The following STK33 variants were observed in gnomAD, a reference collection of about 807,000 sequenced individuals.
STK33 encodes the protein serine/threonine kinase 33.
Under a neutral mutation model 58.0 loss-of-function variants are expected in STK33, and 52 were observed. That is an observed-to-expected ratio of 0.90 (90% CI 0.72 to 1.13). The LOEUF (loss-of-function observed/expected upper bound fraction) is 1.13, where lower values mean the gene tolerates loss of function less well. STK33 is among the 50% of genes most tolerant of loss of function. The pLI, the probability that STK33 is intolerant of heterozygous loss-of-function variation, is 0.00. For missense variants in STK33, 630 were observed against 604.2 expected, an observed-to-expected ratio of 1.04 and a Z score of -0.45; for synonymous variants, 215 against 200.1, an observed-to-expected ratio of 1.07 and a Z score of -0.63.
chr11:8,517,918 C>T (rs531056716), intron 1 of STK33, among the ~76,000 whole-genome samples: 1 of 152,246 alleles, frequency 6.6e-6, no homozygotes, highest in East Asian at 1.9e-4. Context: ...AACCACTCTC[C>T]AGGATATTAT....
chr11:8,393,566 G>A (rs1217232300), intron 15 of STK33, among the ~76,000 whole-genome samples: 1 of 152,182 alleles, frequency 6.6e-6, no homozygotes, highest in Admixed American at 6.5e-5. Context: ...AAGCAGCACA[G>A]GGGCCCAGCC....
the STK33 span, among the ~76,000 whole-genome samples, chr11:8,370,187 C>G: frequency 6.3e-4 from 96 of 151,548 alleles, 2 homozygotes. Flanking sequence ...CAAACCTGGG[C>G]CTCAAAAGAT....
intron 1 of STK33, among the ~76,000 whole-genome samples, chr11:8,583,261 C>A (rs2030765360): frequency 6.6e-6 from 1 of 152,154 alleles, no homozygotes; most frequent in African/African-American, 2.4e-5. Context: ...ACTCACCTGT[C>A]CTTCATATCA....
chr11:8,433,186 G>A (rs191746771), intron 14 of STK33, among the ~76,000 whole-genome samples: 284 of 152,266 alleles, frequency 1.9e-3, no homozygotes, highest in South Asian at 1.0e-2. Context: ...TCCTTTGAGA[G>A]AGCAACACAT....
the STK33 span, among the ~76,000 whole-genome samples, chr11:8,373,386 T>C: frequency 6.6e-6 from 1 of 151,882 alleles, no homozygotes; most frequent in Admixed American, 6.6e-5. Flanking sequence ...GCTGCCCAGA[T>C]GATTTTGATA....
intron 14 of STK33, among the ~76,000 whole-genome samples, chr11:8,415,488 C>G (rs1313233566): frequency 6.6e-6 from 1 of 152,092 alleles, no homozygotes; most frequent in Non-Finnish European, 1.5e-5. Context: ...AATTCCTGAA[C>G]TGGTAATTAC....
chr11:8,378,000 G>A, the STK33 span, among the ~76,000 whole-genome samples: 1 of 152,116 alleles, frequency 6.6e-6, no homozygotes, highest in East Asian at 1.9e-4. Flanking sequence ...AACTAGAAGA[G>A]TCAATATCAT....
intron 15 of STK33, among the ~76,000 whole-genome samples, chr11:8,397,220 G>A (rs963920071): frequency 5.3e-5 from 8 of 152,248 alleles, no homozygotes; most frequent in Non-Finnish European, 2.9e-5. Context: ...CCAAGTAGGG[G>A]CAGACTGACA....
chr11:8,591,502 T>C (rs1264605022), intron 1 of STK33, among the ~76,000 whole-genome samples: 8 of 152,170 alleles, frequency 5.3e-5, no homozygotes, highest in African/African-American at 1.7e-4. Flanking sequence ...AGGGCAATTG[T>C]GGGGAAGATG....
intron 1 of STK33, among the ~76,000 whole-genome samples, chr11:8,569,726 GC>G (rs1957675597): frequency 6.6e-6 from 1 of 152,142 alleles, no homozygotes; most frequent in African/African-American, 2.4e-5. Context: ...GGAGGCCAAG[GC>G]AGGCAGATCA....
chr11:8,382,755 A>AT, the STK33 span, among the ~76,000 whole-genome samples: 5 of 152,132 alleles, frequency 3.3e-5, no homozygotes, highest in African/African-American at 1.2e-4. Flanking sequence ...CAGGCCTGTA[A>AT]TTCGGTTTGT....
intron 15 of STK33, among the ~76,000 whole-genome samples, chr11:8,401,886 C>G (rs1158403978): frequency 6.6e-6 from 1 of 152,066 alleles, no homozygotes; most frequent in Non-Finnish European, 1.5e-5. Flanking sequence ...CACTGGCCAT[C>G]AGAGAAATGC....
At chr11:8,453,224 A>T (rs1055677132) in intron 10 of STK33, among the ~76,000 whole-genome samples, 1 of 152,170 alleles carries the variant, frequency 6.6e-6, no homozygotes, top group Non-Finnish European at 1.5e-5. Context: ...TTTCATATAA[A>T]AAAGGTATTT....
chr11:8,362,928 T>TCCTC, the STK33 span, among the ~76,000 whole-genome samples: 2 of 133,194 alleles, frequency 1.5e-5, no homozygotes, highest in African/African-American at 5.6e-5. Context: ...CTCCCTCCTT[T>TCCTC]CCTTTTTTCC....
intron 1 of STK33, among the ~76,000 whole-genome samples, chr11:8,486,971 G>A (rs1184479205): frequency 1.3e-5 from 2 of 152,156 alleles, no homozygotes; most frequent in African/African-American, 4.8e-5. Flanking sequence ...AGACAGTAAA[G>A]ACAGGAGGAA....
At chr11:8,337,688 G>A in the STK33 span, among the ~76,000 whole-genome samples, 3 of 151,394 alleles carry the variant, frequency 2.0e-5, no homozygotes, top group African/African-American at 7.3e-5. Context: ...CACTTCCTGT[G>A]CCTCCCACCG....
chr11:8,497,015 TTTC>T (rs370270335), intron 1 of STK33, among the ~76,000 whole-genome samples: 94 of 152,314 alleles, frequency 6.2e-4, no homozygotes, highest in Middle Eastern at 6.8e-3. Context: ...ATTATCAATA[TTTC>T]TTATTTTTGT....
intron 1 of STK33, among the ~76,000 whole-genome samples, chr11:8,569,004 T>C (rs1020905012): frequency 6.6e-6 from 1 of 152,160 alleles, no homozygotes; most frequent in Non-Finnish European, 1.5e-5. Context: ...GACATTCAAA[T>C]AGAATAAAGC....
At chr11:8,480,369 T>C (rs1425550763) in intron 2 of STK33, 41 bp downstream of exon 2, 2 of 152,220 alleles carry the variant, frequency 1.3e-5, no homozygotes, top group Non-Finnish European at 2.9e-5. Context: ...ATCTGAGATG[T>C]AGCAGACATT....
Sources: allele counts gnomAD v4.1 joint callset (sites outside exome capture counted in the v4.1 genomes callset), GRCh38; gene constraint gnomAD v4.1.1; transcripts MANE v1.5; gene names NCBI Gene and HGNC (gene_info 2026-07-23, HGNC 2026-07-21).